Variants in SETBP1 observed in about 807,000 individuals in gnomAD.
The protein encoded by SETBP1 is SET binding protein 1.
SETBP1 carries 9 observed loss-of-function variants against 101.0 expected under a neutral mutation model. The observed-to-expected ratio is 0.09, with a 90% CI of 0.05 to 0.16. The LOEUF (loss-of-function observed/expected upper bound fraction) is 0.16, where lower values mean the gene tolerates loss of function less well. SETBP1 is among the 10% of genes least tolerant of loss of function. SETBP1 has a pLI of 1.00. For synonymous variants in SETBP1, 818 were observed against 788.5 expected (o/e 1.04, Z -0.63); for missense variants, 1,858 against 2,033.8 (o/e 0.91, Z 1.66).
intron 2 of SETBP1, among the ~76,000 whole-genome samples, chr18:44,826,394 G>A (rs560177934): frequency 5.3e-5 from 8 of 152,206 alleles, no homozygotes; most frequent in African/African-American, 1.9e-4. Flanking sequence ...CCCCCATCTA[G>A]GGCCCCTTTT....
At chr18:44,754,534 G>A (rs764768177) in intron 2 of SETBP1, among the ~76,000 whole-genome samples, 1 of 152,194 alleles carries the variant, frequency 6.6e-6, no homozygotes, top group Non-Finnish European at 1.5e-5. Flanking sequence ...GAATAGGCCA[G>A]GGTTAAGTTT....
chr18:44,899,695 C>A (rs1430248631), intron 3 of SETBP1, among the ~76,000 whole-genome samples: 1 of 152,172 alleles, frequency 6.6e-6, no homozygotes. Flanking sequence ...ATGCATTGAT[C>A]TCCACAAACT....
intron 3 of SETBP1, among the ~76,000 whole-genome samples, chr18:44,919,506 C>T (rs183249616): frequency 6.6e-6 from 1 of 152,106 alleles, no homozygotes; most frequent in Non-Finnish European, 1.5e-5. Context: ...CACACCACCA[C>T]ACCCAGCTAA....
At chr18:44,931,477 C>G (rs1423183015) in intron 3 of SETBP1, among the ~76,000 whole-genome samples, 1 of 152,148 alleles carries the variant, frequency 6.6e-6, no homozygotes, top group African/African-American at 2.4e-5. Context: ...GAGCTGAGTT[C>G]AATTCCTGGA....
Position 44,969,177 on chromosome 18 carries a change from A to G in SETBP1, c.4000+15837A>G, listed in dbSNP as rs369153440. On this transcript the variant is annotated intron_variant, in intron 4 of 5. Transcript: ENST00000649279. ...AGAAGTCTCAGAAATGTAATTAGAA[A>G]GCTAAACTCGATATCTTTACATTCC... Among the ~76,000 whole-genome samples the G allele has an allele frequency of 1.1e-4, 17 of 152,336 alleles. 1 individual carries two copies. The highest frequency in any genetic ancestry group is 4.1e-4 in the African/African-American group (17 of 41,568).
chr18:44,742,364 AT>A (rs1228411705), intron 2 of SETBP1, among the ~76,000 whole-genome samples: 2 of 151,836 alleles, frequency 1.3e-5, no homozygotes. Context: ...CTTCTGGGAG[AT>A]TTTGCTCTGG....
At chr18:44,906,632 C>T (rs1012109681) in intron 3 of SETBP1, among the ~76,000 whole-genome samples, 4 of 152,050 alleles carry the variant, frequency 2.6e-5, no homozygotes, top group African/African-American at 7.2e-5. Flanking sequence ...TTGTTTGTAG[C>T]CCTCCCTTGT....
intron 2 of SETBP1, among the ~76,000 whole-genome samples, chr18:44,815,794 C>T (rs778960364): frequency 2.0e-5 from 3 of 152,182 alleles, no homozygotes; most frequent in Non-Finnish European, 2.9e-5. Flanking sequence ...GAGACTCAGA[C>T]AGGCAAAACA....
chr18:44,792,948 G>A (rs1020285018), intron 2 of SETBP1, among the ~76,000 whole-genome samples: 23 of 152,146 alleles, frequency 1.5e-4, no homozygotes, highest in African/African-American at 5.3e-4. Context: ...GAAACTACCC[G>A]GAGGAGAGCT....
At chr18:44,850,243 C>T (rs2144580350) in intron 2 of SETBP1, among the ~76,000 whole-genome samples, 1 of 152,364 alleles carries the variant, frequency 6.6e-6, no homozygotes, top group South Asian at 2.1e-4. Context: ...ACAAAGGACT[C>T]TTGTCCATGT....
chr18:44,831,161 A>C (rs9953195), intron 2 of SETBP1, among the ~76,000 whole-genome samples: 4 of 152,204 alleles, frequency 2.6e-5, no homozygotes, highest in Non-Finnish European at 5.9e-5. Flanking sequence ...ATTGCCTATG[A>C]TGAACCGTTC....
At chr18:44,811,956 A>G (rs369739446) in intron 2 of SETBP1, among the ~76,000 whole-genome samples, 2 of 152,228 alleles carry the variant, frequency 1.3e-5, no homozygotes, top group Admixed American at 6.5e-5. Flanking sequence ...TTCACCAGAG[A>G]ATAACAGCTT....
At chr18:44,862,483 C>T (rs2069035652) in intron 2 of SETBP1, among the ~76,000 whole-genome samples, 1 of 152,062 alleles carries the variant, frequency 6.6e-6, no homozygotes, top group South Asian at 2.1e-4. Context: ...TGGTGGGAAA[C>T]CACCCCCGCG....
intron 3 of SETBP1, among the ~76,000 whole-genome samples, chr18:44,913,468 A>G (rs2070358849): frequency 6.6e-6 from 1 of 152,248 alleles, no homozygotes; most frequent in South Asian, 2.1e-4. Flanking sequence ...AAGCAGAGAC[A>G]TGCATAGAGG....
intron 3 of SETBP1, chr18:44,872,046 T>G (rs1306047766): frequency 6.6e-6 from 1 of 152,222 alleles, no homozygotes; most frequent in Non-Finnish European, 1.5e-5. Context: ...TCTTGCCTTT[T>G]GAAGCAACAG....
chr18:44,704,716 T>C (rs953041496), intron 2 of SETBP1, among the ~76,000 whole-genome samples: 7 of 152,242 alleles, frequency 4.6e-5, no homozygotes, highest in Non-Finnish European at 1.0e-4. Flanking sequence ...CTACTATGTG[T>C]GTGGAAAAGT....
At chr18:44,736,110 C>T (rs1456871153) in intron 2 of SETBP1, among the ~76,000 whole-genome samples, 1 of 152,176 alleles carries the variant, frequency 6.6e-6, no homozygotes, top group Non-Finnish European at 1.5e-5. Context: ...TCAGGCTGGG[C>T]ATAGTGGCTC....
chr18:44,989,323 C>T (rs1477516134), intron 4 of SETBP1: 7 of 151,914 alleles, frequency 4.6e-5, no homozygotes, highest in Non-Finnish European at 8.8e-5. Flanking sequence ...AAATTAGAAA[C>T]ACAATGATGG....
At chr18:44,953,539 C>G (rs1438445627) in intron 4 of SETBP1, among the ~76,000 whole-genome samples, 199 bp downstream of exon 4, 2 of 152,196 alleles carry the variant, frequency 1.3e-5, no homozygotes, top group Non-Finnish European at 2.9e-5. Context: ...TCCTTCTCTC[C>G]TGGAGCCATT....
Sources: allele counts gnomAD v4.1 joint callset (sites outside exome capture counted in the v4.1 genomes callset), GRCh38; gene constraint gnomAD v4.1.1; transcripts MANE v1.5; gene names NCBI Gene and HGNC (gene_info 2026-07-23, HGNC 2026-07-21).